Variants in KHDRBS2 observed in about 807,000 individuals in gnomAD.
KHDRBS2 encodes the protein KH domain-containing, RNA-binding, signal transduction-associated protein 2.
Under a neutral mutation model 44.3 loss-of-function variants are expected in KHDRBS2, and 26 were observed. The ratio of observed to expected loss-of-function variants is 0.59; its 90% confidence interval spans 0.43 to 0.81. The LOEUF (loss-of-function observed/expected upper bound fraction) is 0.81, where lower values mean the gene tolerates loss of function less well. Ranked by LOEUF, KHDRBS2 falls within the 40% of genes least tolerant of loss-of-function variation. The probability of loss-of-function intolerance (pLI) is 0.00; values close to 1 mark genes in which losing one functional copy is unlikely to be tolerated. For missense variants in KHDRBS2, 476 were observed against 433.1 expected (o/e 1.10, Z -0.88); for synonymous variants, 194 against 151.1 (o/e 1.28, Z -2.08).
intron 1 of KHDRBS2, among the ~76,000 whole-genome samples, chr6:62,183,987 C>A (rs1486008406): frequency 6.6e-6 from 1 of 151,628 alleles, no homozygotes; most frequent in South Asian, 2.1e-4. Context: ...AAAGTTTATA[C>A]CACTTTTTTC....
chr6:61,666,841 C>G, the KHDRBS2 span, among the ~76,000 whole-genome samples: 1 of 151,198 alleles, frequency 6.6e-6, no homozygotes, highest in African/African-American at 2.4e-5. Flanking sequence ...TAAAGGTGGA[C>G]AGAGATAAAT....
intron 3 of KHDRBS2, among the ~76,000 whole-genome samples, chr6:61,980,781 C>T (rs1015515515): frequency 6.6e-6 from 1 of 152,214 alleles, no homozygotes; most frequent in African/African-American, 2.4e-5. Context: ...CACAACTCTG[C>T]AGGACAGAGG....
chr6:62,001,583 T>A (rs1378232921), intron 3 of KHDRBS2, among the ~76,000 whole-genome samples: 2 of 152,140 alleles, frequency 1.3e-5, no homozygotes, highest in Non-Finnish European at 2.9e-5. Context: ...ACCATGTCCA[T>A]ATTCTTAATA....
chr6:61,688,537 G>A (rs1180342225), intron 8 of KHDRBS2, among the ~76,000 whole-genome samples: 1 of 151,920 alleles, frequency 6.6e-6, no homozygotes, highest in South Asian at 2.1e-4. Flanking sequence ...ACTCAGTGAA[G>A]AAGGTAGGCT....
At chr6:62,096,665 G>C (rs776989093) in intron 2 of KHDRBS2, among the ~76,000 whole-genome samples, 1 of 151,488 alleles carries the variant, frequency 6.6e-6, no homozygotes, top group Non-Finnish European at 1.5e-5. Context: ...AAAAAACCGG[G>C]TTTTCATTTA....
At chr6:61,941,183 C>A (rs1183597394) in intron 4 of KHDRBS2, among the ~76,000 whole-genome samples, 1 of 152,152 alleles carries the variant, frequency 6.6e-6, no homozygotes, top group African/African-American at 2.4e-5. Context: ...GGCATCTGAA[C>A]CTTCTCCAGG....
the KHDRBS2 span, among the ~76,000 whole-genome samples, chr6:61,559,479 T>G: frequency 6.6e-6 from 1 of 152,172 alleles, no homozygotes; most frequent in Non-Finnish European, 1.5e-5. Context: ...TCTGGTTATT[T>G]TGTGGTCTTC....
At chr6:61,664,056 T>C in the KHDRBS2 span, among the ~76,000 whole-genome samples, 1 of 151,774 alleles carries the variant, frequency 6.6e-6, no homozygotes, top group African/African-American at 2.4e-5. Flanking sequence ...CAGTCAAAGG[T>C]GAAACTTGGT....
the KHDRBS2 span, among the ~76,000 whole-genome samples, chr6:61,662,009 T>A: frequency 6.6e-6 from 1 of 151,982 alleles, no homozygotes; most frequent in African/African-American, 2.4e-5. Context: ...ACTACAATGC[T>A]ACAGTAACCA....
intron 4 of KHDRBS2, among the ~76,000 whole-genome samples, chr6:61,950,078 G>A (rs1764429053): frequency 6.6e-6 from 1 of 152,010 alleles, no homozygotes. Flanking sequence ...CAGGAAGGTG[G>A]GGGATTGCAT....
the KHDRBS2 span, among the ~76,000 whole-genome samples, chr6:61,638,327 G>C: frequency 3.3e-5 from 5 of 152,118 alleles, no homozygotes; most frequent in African/African-American, 1.2e-4. Context: ...CAATGGAACA[G>C]AACAGAGCCC....
intron 2 of KHDRBS2, among the ~76,000 whole-genome samples, chr6:62,087,482 G>A (rs1442103490): frequency 1.3e-5 from 2 of 151,640 alleles, no homozygotes; most frequent in Non-Finnish European, 2.9e-5. Context: ...AAAATTTAAA[G>A]GCCAAAAAGA....
At chr6:61,904,916 G>T (rs781462060) in intron 4 of KHDRBS2, among the ~76,000 whole-genome samples, 7 of 152,064 alleles carry the variant, frequency 4.6e-5, no homozygotes, top group Non-Finnish European at 1.5e-5. Flanking sequence ...ATAAAATCAA[G>T]TTCCTAAGAT....
chr6:61,778,662 A>G lies in KHDRBS2; in HGVS notation c.811-45898T>C, dbSNP rs148108116. Among the ~76,000 whole-genome samples, 295 of 152,288 alleles carry G rather than the reference A, an allele frequency of 1.9e-3. 2 individuals carry two copies. The highest frequency in any genetic ancestry group is 6.7e-3 in the African/African-American group (279 of 41,570). On this transcript the variant is annotated intron_variant, in intron 6 of 8. Coordinates refer to ENST00000281156, the MANE Select transcript of KHDRBS2 (RefSeq NM_152688.4). ...TTCCTCTTTCCTGGGACATAGTGCC[A>G]CCGTGCCGCAAGTTGCTTTTTTGCA...
the KHDRBS2 span, among the ~76,000 whole-genome samples, chr6:61,601,253 G>A: frequency 6.6e-6 from 1 of 151,872 alleles, no homozygotes; most frequent in Non-Finnish European, 1.5e-5. Flanking sequence ...TGGGGGGCAG[G>A]CACCCCCCAC....
intron 6 of KHDRBS2, among the ~76,000 whole-genome samples, chr6:61,801,832 T>A (rs953445408): frequency 1.3e-5 from 2 of 152,188 alleles, no homozygotes; most frequent in Non-Finnish European, 2.9e-5. Flanking sequence ...AGTTATTCAA[T>A]CAAATACTAA....
intron 6 of KHDRBS2, among the ~76,000 whole-genome samples, chr6:61,795,180 A>AT (rs1236670566): frequency 2.7e-5 from 4 of 145,804 alleles, no homozygotes; most frequent in Non-Finnish European, 4.5e-5. Flanking sequence ...AGAAAAACAT[A>AT]TTTTAGTTTT....
chr6:62,097,941 T>A (rs1432611535), intron 2 of KHDRBS2, among the ~76,000 whole-genome samples: 1 of 152,088 alleles, frequency 6.6e-6, no homozygotes, highest in African/African-American at 2.4e-5. Context: ...ATCTTGGATT[T>A]ATAACAAGTT....
chr6:61,617,476 C>T, the KHDRBS2 span, among the ~76,000 whole-genome samples: 1 of 152,080 alleles, frequency 6.6e-6, no homozygotes, highest in Non-Finnish European at 1.5e-5. Context: ...TTTGTTGCAG[C>T]AGTGCTTTAT....
Sources: gnomAD v4.1 joint callset for allele counts (sites outside exome capture counted in the v4.1 genomes callset) on GRCh38, gnomAD v4.1.1 for gene constraint, MANE v1.5 for transcripts, NCBI Gene and HGNC (gene_info 2026-07-23, HGNC 2026-07-21) for gene names.